RPL3L: variants seen among roughly 807,000 people sequenced by gnomAD.
RPL3L encodes ribosomal protein uL3-like.
A neutral mutation model predicts 44.5 loss-of-function variants in RPL3L; 44 were observed. The ratio of observed to expected loss-of-function variants is 0.99; its 90% CI spans 0.78 to 1.27. RPL3L has a LOEUF of 1.27. Ranked by LOEUF, RPL3L falls within the 50% of genes most tolerant of loss-of-function variation. The pLI is 0.00. For synonymous variants in RPL3L, 292 were observed against 230.7 expected (o/e 1.27, Z -2.41); for missense variants, 631 against 569.1 (o/e 1.11, Z -1.11).
rs977298057 is a variant in RPL3L at position 1,944,654 on chromosome 16, A to G, written c.*183T>C. On this transcript the variant is annotated 3_prime_UTR_variant, in exon 10 of 10. Transcript: ENST00000268661. ...CCGCACAGCCAGCTCTGTGTGAATTACTCTTTCTCTATTGCAATTCCCCTG... is the reference window on the plus strand; with the variant it reads ...CCGCACAGCCAGCTCTGTGTGAATTGCTCTTTCTCTATTGCAATTCCCCTG... The G allele has an allele frequency of 1.5e-6, 1 of 670,082 alleles. No homozygotes were observed. The allele number at this position is 670,082 out of a possible 1,614,324, so 41.5% of individuals were successfully genotyped here.
At position 1,952,949 on chromosome 16, in the gene RPL3L, C is replaced by T. The variant is rs199937754; in HGVS notation, c.290G>A (p.Arg97Gln). The T allele has an allele frequency of 1.7e-5, 27 of 1,613,882 alleles. No homozygotes were observed. The Admixed American group carries it at 2.8e-4, about 17-fold the overall frequency. ...GATGGTCTTGAAGCTCCGGAGACCTCGAGGGGTGGCCACGTAGCCCACCAC... is the reference window on the plus strand; with the variant it reads ...GATGGTCTTGAAGCTCCGGAGACCTTGAGGGGTGGCCACGTAGCCCACCAC... Reference protein sequence around the residue: ...VGVVGYVATPRGLRSFKTIFA... With the variant: ...VGVVGYVATPQGLRSFKTIFA... Residue 97 changes from arginine (R) to glutamine (Q), a missense_variant, in exon 3 of 10, where the codon CGA becomes CAA. By Grantham distance (43) the Arg-to-Gln change is conservative. Coordinates refer to ENST00000268661, the MANE Select transcript of RPL3L (RefSeq NM_005061.3).
intron 4 of RPL3L, among the ~76,000 whole-genome samples, chr16:1,949,047 A>G (rs767575825): frequency 5.1e-4 from 62 of 121,074 alleles, no homozygotes; most frequent in Non-Finnish European, 8.5e-4. Context: ...GGATCTCCCT[A>G]TGTTGCCAAG....
intron 4 of RPL3L, among the ~76,000 whole-genome samples, chr16:1,949,297 G>GGGCT (rs2083152199): frequency 9.1e-6 from 1 of 110,154 alleles, no homozygotes. Context: ...TCTATCGCCC[G>GGGCT]GGCTGGAGTG....
At chr16:1,945,078 G>A (rs572230718) in intron 9 of RPL3L, among the ~76,000 whole-genome samples, 185 bp from the exon 10 acceptor site, 10 of 151,790 alleles carry the variant, frequency 6.6e-5, no homozygotes, top group South Asian at 2.1e-4. Flanking sequence ...CCTGCAGGCC[G>A]GGCACGGTGG....
At chr16:1,954,429 G>A (rs528286722) in intron 1 of RPL3L, among the ~76,000 whole-genome samples, 200 bp downstream of exon 1, 24 of 152,206 alleles carry the variant, frequency 1.6e-4, no homozygotes, top group African/African-American at 5.1e-4. Context: ...TGGGGCAGGT[G>A]GCCGCTGCCA....
Position 1,947,349 on chromosome 16 carries a change from G to T in RPL3L, c.533C>A (p.Ala178Asp). 1.3e-6 allele frequency: 2 copies of T among 1,597,442 alleles called. No homozygotes were observed. Reference sequence around the variant, plus strand: ...GTTCAGCTGGATCTCCATGATGTGGGCCTTCTTCTGCCGGAAGGGCAGCAG... The same window carrying T: ...GTTCAGCTGGATCTCCATGATGTGGTCCTTCTTCTGCCGGAAGGGCAGCAG... ...MKLLPFRQKK[A>D]HIMEIQLNGG... The change falls in exon 5 of 10, where the codon GCC (alanine) becomes GAC (aspartate). Residue 178 changes from alanine (A) to aspartate (D), a missense_variant. Physicochemically the swap from Ala to Asp is moderately radical, Grantham distance 126 (BLOSUM62 -2). Transcript: ENST00000268661.
intron 6 of RPL3L, 70 bp downstream of exon 6, chr16:1,946,868 C>T (rs2083125043): frequency 1.3e-6 from 2 of 1,559,800 alleles, no homozygotes; most frequent in Admixed American, 1.7e-5. Flanking sequence ...ATGCACCCCA[C>T]CCACTGAGGC....
chr16:1,949,259 CTTTTTTTTTTTTTTTTTTTTTT>C (rs2083151076), intron 4 of RPL3L, among the ~76,000 whole-genome samples: 1 of 75,236 alleles, frequency 1.3e-5, no homozygotes. Flanking sequence ...TTTTTTTTTT[CTTTTTTTTTTTTTTTTTTTTTT>C]GAGACTCTAT....
chr16:1,948,695 C>A (rs1164008954), intron 4 of RPL3L, among the ~76,000 whole-genome samples: 1 of 133,440 alleles, frequency 7.5e-6, no homozygotes, highest in Non-Finnish European at 1.5e-5. Flanking sequence ...CCACCATGCC[C>A]AGTTGTTTTT....
chr16:1,953,510 A>G (rs1424723240), intron 2 of RPL3L, among the ~76,000 whole-genome samples: 1 of 152,192 alleles, frequency 6.6e-6, no homozygotes, highest in Admixed American at 6.5e-5. Flanking sequence ...GTGAGCCACC[A>G]TGCCCGGCCT....
intron 9 of RPL3L, among the ~76,000 whole-genome samples, chr16:1,945,098 G>A (rs938866251): frequency 6.6e-6 from 1 of 151,962 alleles, no homozygotes; most frequent in African/African-American, 2.4e-5. Context: ...GCTCATGTCT[G>A]TAATCCCAGC....
At chr16:1,949,026 T>C (rs1246399780) in intron 4 of RPL3L, among the ~76,000 whole-genome samples, 1 of 129,644 alleles carries the variant, frequency 7.7e-6, no homozygotes, top group South Asian at 2.3e-4. Context: ...TTTTTTTTTT[T>C]GTAGAGATGG....
chr16:1,946,586 G>A lies in RPL3L; in HGVS notation c.951+39C>T, dbSNP rs201555211. 1.8e-5 allele frequency: 28 copies of A among 1,589,676 alleles called. 1 individual carries two copies. Among genetic ancestry groups the A allele is most frequent in the Admixed American group, 8.4e-5 (5 of 59,822 alleles). ...TGACCCCACTCCAGCCATCATCAGCGGTGTGATGGGCCTGGCAGTCGCCCC... is the reference window on the plus strand; with the variant it reads ...TGACCCCACTCCAGCCATCATCAGCAGTGTGATGGGCCTGGCAGTCGCCCC... On this transcript the variant is annotated intron_variant, in intron 7 of 9. Transcript: ENST00000268661.
chr16:1,946,820 T>C lies in RPL3L; in HGVS notation c.850-94A>G, dbSNP rs1267580738. The C allele has an allele frequency of 1.5e-5, 24 of 1,572,130 alleles. No homozygotes were observed. In the East Asian group the frequency reaches 1.6e-4, roughly 10 times the overall value. On this transcript the variant is annotated intron_variant, in intron 6 of 9. Coordinates refer to ENST00000268661, the MANE Select transcript of RPL3L (RefSeq NM_005061.3). ...CCGCCCACATGCTCAGACTCAGTGC[T>C]GGTGGGGGCATCTTGTGTCCCCGGC...
intron 3 of RPL3L, among the ~76,000 whole-genome samples, chr16:1,952,122 T>C (rs1336567523): frequency 1.3e-5 from 2 of 151,196 alleles, no homozygotes; most frequent in Non-Finnish European, 3.0e-5. Context: ...CTTATTTTTT[T>C]ATTTTTATTT....
Position 1,947,084 on chromosome 16 carries a change from A to G in RPL3L, c.703T>C (p.Trp235Arg), listed in dbSNP as rs2083127996. The G allele has an allele frequency of 4.3e-6, 7 of 1,613,470 alleles. No individual in the cohort carries two copies. Among genetic ancestry groups the G allele is most frequent in the Non-Finnish European group, 5.9e-6 (7 of 1,179,962 alleles). ...GRGVKGVTSR[W>R]HTKKLPRKTH... is the part of the protein sequence containing the mutation. ...TTCCGCGGCAGCTTCTTGGTATGCCAGCGGCTTGTGACCCCTGTGAGTGAG... is the reference window on the plus strand; with the variant it reads ...TTCCGCGGCAGCTTCTTGGTATGCCGGCGGCTTGTGACCCCTGTGAGTGAG... Residue 235 changes from tryptophan to arginine, a missense_variant, in exon 6 of 10, where the codon TGG (tryptophan) becomes CGG (arginine). By Grantham distance (101) the Trp-to-Arg change is moderately radical. Coordinates refer to ENST00000268661, the MANE Select transcript of RPL3L (RefSeq NM_005061.3).
At chr16:1,952,134 T>TA (rs1252941961) in intron 3 of RPL3L, among the ~76,000 whole-genome samples, 10 of 151,420 alleles carry the variant, frequency 6.6e-5, no homozygotes, top group Admixed American at 1.3e-4. Flanking sequence ...TTTTTATTTT[T>TA]TTTTTTGTAT....
At chr16:1,954,417 C>G (rs942852861) in intron 1 of RPL3L, among the ~76,000 whole-genome samples, 14 of 152,112 alleles carry the variant, frequency 9.2e-5, no homozygotes, top group Non-Finnish European at 4.4e-5. Flanking sequence ...GCCAAGGGCT[C>G]CTGGGGCAGG....
intron 9 of RPL3L, 86 bp from the exon 10 acceptor site, chr16:1,944,979 G>GCC: frequency 1.3e-6 from 2 of 1,569,636 alleles, no homozygotes; most frequent in Non-Finnish European, 1.8e-6. Context: ...ATCACTCAGG[G>GCC]CCGGCCCTAC....
Sources: allele counts gnomAD v4.1 joint callset (sites outside exome capture counted in the v4.1 genomes callset), GRCh38; gene constraint gnomAD v4.1.1; transcripts MANE v1.5; gene names NCBI Gene and HGNC (gene_info 2026-07-23, HGNC 2026-07-21).